PAPPA2: variants seen among roughly 807,000 people sequenced by gnomAD.
The protein encoded by PAPPA2 is pappalysin 2.
Under a neutral mutation model 176.4 loss-of-function variants are expected in PAPPA2, and 86 were observed. The observed-to-expected ratio is 0.49, with a 90% confidence interval of 0.41 to 0.58. The LOEUF (loss-of-function observed/expected upper bound fraction) is 0.58, where lower values mean the gene tolerates loss of function less well. Ranked by LOEUF, PAPPA2 falls within the 20% of genes least tolerant of loss-of-function variation. PAPPA2 has a pLI of 0.00. For synonymous variants in PAPPA2, 809 were observed against 852.2 expected, an observed-to-expected ratio of 0.95 and a Z score of 0.88; for missense variants, 2,073 against 2,256.9, an observed-to-expected ratio of 0.92 and a Z score of 1.65.
intron 3 of PAPPA2, among the ~76,000 whole-genome samples, chr1:176,620,301 G>A (rs78023355): frequency 6.6e-6 from 1 of 152,016 alleles, no homozygotes. Flanking sequence ...ACAGGGGAGA[G>A]ACACAAACAT....
chr1:176,711,295 C>T (rs955267694), intron 11 of PAPPA2, among the ~76,000 whole-genome samples: 4 of 152,132 alleles, frequency 2.6e-5, no homozygotes, highest in Admixed American at 2.0e-4. Flanking sequence ...TCCTGGCATC[C>T]GATGACAGGA....
At chr1:176,793,786 C>A in intron 20 of PAPPA2, 117 bp downstream of exon 20, 1 of 677,076 alleles carries the variant, frequency 1.5e-6, no homozygotes. Flanking sequence ...CAAACAACCA[C>A]ATGGATTATT....
intron 17 of PAPPA2, among the ~76,000 whole-genome samples, chr1:176,775,165 G>C (rs996153004): frequency 1.3e-5 from 2 of 152,086 alleles, no homozygotes; most frequent in African/African-American, 4.8e-5. Context: ...AAATGATCTG[G>C]TTACTCATCT....
At chr1:176,619,490 T>C (rs1314591947) in intron 3 of PAPPA2, among the ~76,000 whole-genome samples, 1 of 152,184 alleles carries the variant, frequency 6.6e-6, no homozygotes, top group East Asian at 1.9e-4. Flanking sequence ...AAGAATGCTG[T>C]GTTTGATTAA....
At chr1:176,818,573 C>T (rs949078337) in intron 21 of PAPPA2, among the ~76,000 whole-genome samples, 1 of 148,622 alleles carries the variant, frequency 6.7e-6, no homozygotes, top group Admixed American at 6.8e-5. Context: ...AAAATATATC[C>T]ACACACCAGC....
At chr1:176,622,145 A>G (rs946933083) in intron 3 of PAPPA2, among the ~76,000 whole-genome samples, 1 of 152,160 alleles carries the variant, frequency 6.6e-6, no homozygotes, top group Non-Finnish European at 1.5e-5. Context: ...TGCTTCTGAG[A>G]CACTGGGGTT....
intron 1 of PAPPA2, among the ~76,000 whole-genome samples, chr1:176,529,331 T>C: frequency 6.6e-6 from 1 of 152,052 alleles, no homozygotes. Flanking sequence ...CTCTGACCTT[T>C]ATCCAAGTGT....
At chr1:176,832,456 G>A (rs907016125) in intron 21 of PAPPA2, among the ~76,000 whole-genome samples, 5 of 152,114 alleles carry the variant, frequency 3.3e-5, no homozygotes, top group Admixed American at 1.3e-4. Context: ...AGGCTCAAGC[G>A]ATTCTCCTGC....
At chr1:176,501,101 T>C (rs1184239983) in intron 1 of PAPPA2, among the ~76,000 whole-genome samples, 9 of 148,646 alleles carry the variant, frequency 6.1e-5, no homozygotes. Context: ...AATAGAATAA[T>C]ATGATATATA....
intron 17 of PAPPA2, among the ~76,000 whole-genome samples, chr1:176,778,044 A>G (rs1664537908): frequency 6.7e-6 from 1 of 149,630 alleles, no homozygotes; most frequent in Non-Finnish European, 1.5e-5. Context: ...AAAACAAAAC[A>G]AATTAAAAAA....
At chr1:176,495,951 A>T (rs2102500204) in intron 1 of PAPPA2, among the ~76,000 whole-genome samples, 1 of 152,306 alleles carries the variant, frequency 6.6e-6, no homozygotes, top group East Asian at 1.9e-4. Flanking sequence ...AATTTGTAGG[A>T]CAAATTTTAC....
chr1:176,504,634 A>G (rs1015804420), intron 1 of PAPPA2, among the ~76,000 whole-genome samples: 1 of 152,138 alleles, frequency 6.6e-6, no homozygotes, highest in Non-Finnish European at 1.5e-5. Flanking sequence ...CCAAGACAGA[A>G]GATCAGTTGC....
intron 3 of PAPPA2, among the ~76,000 whole-genome samples, chr1:176,653,207 A>T (rs1340677310): frequency 1.3e-5 from 2 of 151,668 alleles, no homozygotes; most frequent in Non-Finnish European, 3.0e-5. Flanking sequence ...TGTGTATTTC[A>T]TGCCTTGTAA....
intron 12 of PAPPA2, among the ~76,000 whole-genome samples, chr1:176,719,643 G>C (rs1661532529): frequency 2.0e-5 from 3 of 151,980 alleles, no homozygotes; most frequent in Admixed American, 2.0e-4. Context: ...CACTTTCACT[G>C]ACTTTCTCTG....
intron 2 of PAPPA2, among the ~76,000 whole-genome samples, chr1:176,575,135 A>T (rs958686344): frequency 1.3e-5 from 2 of 151,954 alleles, no homozygotes; most frequent in Admixed American, 1.3e-4. Context: ...TAGGAAGGAG[A>T]CCCCTGCTGC....
intron 12 of PAPPA2, among the ~76,000 whole-genome samples, chr1:176,727,526 A>G (rs1661938090): frequency 6.6e-6 from 1 of 152,118 alleles, no homozygotes; most frequent in Non-Finnish European, 1.5e-5. Flanking sequence ...CTTGTTATAA[A>G]TTGAAGCACT....
chr1:176,698,548 C>G (rs900186340), intron 7 of PAPPA2, among the ~76,000 whole-genome samples: 2 of 152,094 alleles, frequency 1.3e-5, no homozygotes, highest in Admixed American at 1.3e-4. Flanking sequence ...TTCCTGCCTG[C>G]AGTTACCTAC....
intron 1 of PAPPA2, among the ~76,000 whole-genome samples, chr1:176,513,158 T>TATC (rs66771117): frequency 0.13 from 19,171 of 149,536 alleles, 1,291 homozygotes; most frequent in Admixed American, 0.18. Flanking sequence ...CATTTCTGTC[T>TATC]ATCATCATCA....
At chr1:176,811,388 A>G (rs1306029775) in intron 21 of PAPPA2, among the ~76,000 whole-genome samples, 1 of 152,226 alleles carries the variant, frequency 6.6e-6, no homozygotes, top group African/African-American at 2.4e-5. Context: ...ATCAGATATA[A>G]TAATCATTCC....
Sources: gnomAD v4.1 joint callset for allele counts (sites outside exome capture counted in the v4.1 genomes callset) on GRCh38, gnomAD v4.1.1 for gene constraint, MANE v1.5 for transcripts, NCBI Gene and HGNC (gene_info 2026-07-23, HGNC 2026-07-21) for gene names.